Variants in GMDS observed in about 807,000 individuals in gnomAD.
GMDS encodes GDP-mannose 4,6-dehydratase.
Under a neutral mutation model 49.9 loss-of-function variants are expected in GMDS, and 20 were observed. That is an observed-to-expected ratio of 0.40 (90% CI 0.28 to 0.58). The LOEUF is 0.58. Ranked by LOEUF, GMDS falls within the 20% of genes least tolerant of loss-of-function variation. The pLI is 0.42. For synonymous variants in GMDS, 177 were observed against 178.6 expected (o/e 0.99, Z 0.07); for missense variants, 362 against 481.4 (o/e 0.75, Z 2.32).
Position 1,635,377 on chromosome 6 carries a change from G to A in GMDS, c.988-10837C>T, listed in dbSNP as rs1363154373. 3.3e-5 allele frequency among the ~76,000 whole-genome samples: 5 copies of A among 152,216 alleles called. No individual in the cohort carries two copies. Among genetic ancestry groups the A allele is most frequent in the East Asian group, 3.9e-4 (2 of 5,190 alleles). ...GGTTAAGGCAAGCTGTGTCCACTGC[G>A]CAACCAACATGGCCCACTTTCATCC... On this transcript the variant is annotated intron_variant, in intron 9 of 10. Transcript: ENST00000380815. The surrounding 1 kb of genome is among the most constrained non-coding windows in gnomAD (Gnocchi z 4.7).
intron 9 of GMDS, among the ~76,000 whole-genome samples, chr6:1,674,305 C>T (rs1280403945): frequency 6.6e-6 from 1 of 152,068 alleles, no homozygotes; most frequent in African/African-American, 2.4e-5. Context: ...TGCTTACTTG[C>T]CATCTGTATA....
intron 1 of GMDS, among the ~76,000 whole-genome samples, chr6:2,243,357 A>G (rs1300236001): frequency 6.6e-6 from 1 of 152,218 alleles, no homozygotes; most frequent in Non-Finnish European, 1.5e-5. Flanking sequence ...TTCCATTTCT[A>G]ATCTGCACTG....
rs1426433649 is a variant in GMDS, at chr6:1,766,948, T to G, written c.772-24362A>C. 6.6e-6 allele frequency among the ~76,000 whole-genome samples: 1 copy of G among 152,176 alleles called. No homozygotes were observed. The highest frequency in any genetic ancestry group is 1.5e-5 in the Non-Finnish European group (1 of 68,034). ...TCTTTATTTCCTGCTGAATCTGACTTAAGTGTAAAATCGAGCAGGGATCCC... is the reference window on the plus strand; with the variant it reads ...TCTTTATTTCCTGCTGAATCTGACTGAAGTGTAAAATCGAGCAGGGATCCC... On this transcript the variant is annotated intron_variant, in intron 7 of 10. Transcript: ENST00000380815. This position sits in a 1 kb window ranked among gnomAD's most constrained non-coding sequence, Gnocchi z 4.5.
At chr6:2,130,807 A>G (rs1775694166) in intron 1 of GMDS, among the ~76,000 whole-genome samples, 1 of 140,778 alleles carries the variant, frequency 7.1e-6, no homozygotes, top group Admixed American at 7.3e-5. Flanking sequence ...AAATGCCCTA[A>G]AAGATTAATT....
At chr6:2,170,002 A>G (rs1223832806) in intron 1 of GMDS, among the ~76,000 whole-genome samples, 1 of 152,182 alleles carries the variant, frequency 6.6e-6, no homozygotes, top group Non-Finnish European at 1.5e-5. Flanking sequence ...TCGGGAGTTC[A>G]CGACCAGCCT....
intron 4 of GMDS, among the ~76,000 whole-genome samples, chr6:2,028,882 T>C (rs547294301): frequency 8.3e-4 from 127 of 152,262 alleles, no homozygotes; most frequent in Middle Eastern, 6.8e-3. Context: ...ACTGGTGTGA[T>C]GATTGTATGC....
chr6:1,791,595 A>G (rs918249676), intron 7 of GMDS, among the ~76,000 whole-genome samples: 1 of 152,192 alleles, frequency 6.6e-6, no homozygotes, highest in Non-Finnish European at 1.5e-5. Flanking sequence ...GGGAGACACA[A>G]TTCAGTCCAC....
intron 4 of GMDS, among the ~76,000 whole-genome samples, chr6:2,113,486 G>A (rs2127497492): frequency 6.6e-6 from 1 of 151,720 alleles, no homozygotes; most frequent in South Asian, 2.1e-4. Flanking sequence ...GTTCTGCTCA[G>A]CTCATCTCGA....
chr6:1,903,539 C>T (rs1760606419), intron 7 of GMDS, among the ~76,000 whole-genome samples: 1 of 152,230 alleles, frequency 6.6e-6, no homozygotes, highest in South Asian at 2.1e-4. Context: ...AAACAATTTA[C>T]AGGTTCAGCA....
At chr6:1,853,875 G>A (rs1757825790) in intron 7 of GMDS, among the ~76,000 whole-genome samples, 1 of 152,160 alleles carries the variant, frequency 6.6e-6, no homozygotes, top group Admixed American at 6.5e-5. Flanking sequence ...ATAAATGCAA[G>A]GTGTATTTTT....
At position 1,978,272 on chromosome 6, in the gene GMDS, G is replaced by A. The variant is rs139461821; in HGVS notation, c.346-17306C>T. On this transcript the variant is annotated intron_variant, in intron 4 of 10. Transcript: ENST00000380815. ...GGACATCAATCCATTCCTCCTCACT[G>A]GACGGGACCTACCTGGTGGGCCCAC... 3.8e-3 allele frequency among the ~76,000 whole-genome samples: 582 copies of A among 152,270 alleles called. 2 individuals carry two copies. The highest frequency in any genetic ancestry group is 0.01 in the Middle Eastern group (3 of 294).
At chr6:2,154,667 C>A (rs9501814) in intron 1 of GMDS, among the ~76,000 whole-genome samples, 2 of 151,840 alleles carry the variant, frequency 1.3e-5, no homozygotes, top group Non-Finnish European at 2.9e-5. Flanking sequence ...TTGACTAATT[C>A]TAGGGTTTAT....
intron 7 of GMDS, among the ~76,000 whole-genome samples, chr6:1,901,487 A>G (rs1760503002): frequency 1.3e-5 from 2 of 152,242 alleles, no homozygotes; most frequent in South Asian, 4.1e-4. Context: ...CAGGCCACCT[A>G]TTTTAAGGAA....
intron 6 of GMDS, among the ~76,000 whole-genome samples, chr6:1,948,107 T>C: frequency 6.6e-6 from 1 of 152,180 alleles, no homozygotes; most frequent in East Asian, 1.9e-4. Context: ...GATTACCCCA[T>C]TTTAGAGATG....
intron 4 of GMDS, among the ~76,000 whole-genome samples, chr6:1,981,694 C>T (rs1765228094): frequency 6.6e-6 from 1 of 152,084 alleles, no homozygotes; most frequent in African/African-American, 2.4e-5. Flanking sequence ...ATGCTGACAC[C>T]AAAACCTAGC....
At chr6:1,979,949 C>T (rs1395632105) in intron 4 of GMDS, among the ~76,000 whole-genome samples, 1 of 152,118 alleles carries the variant, frequency 6.6e-6, no homozygotes, top group Non-Finnish European at 1.5e-5. Flanking sequence ...CCAAACTAAG[C>T]TTCATAAGTG....
At chr6:2,044,693 C>A (rs192393814) in intron 4 of GMDS, among the ~76,000 whole-genome samples, 1 of 151,990 alleles carries the variant, frequency 6.6e-6, no homozygotes, top group Non-Finnish European at 1.5e-5. Context: ...CAAACCTGCA[C>A]GTGTACCCCT....
At chr6:1,715,458 G>C (rs915630030) in intron 9 of GMDS, among the ~76,000 whole-genome samples, 2 of 152,100 alleles carry the variant, frequency 1.3e-5, no homozygotes, top group African/African-American at 4.8e-5. Context: ...AAGGCCCTCC[G>C]ATGTCATTCT....
At chr6:2,066,784 A>G (rs1771624075) in intron 4 of GMDS, among the ~76,000 whole-genome samples, 1 of 152,046 alleles carries the variant, frequency 6.6e-6, no homozygotes, top group Non-Finnish European at 1.5e-5. Context: ...GTGAACTACA[A>G]AGAGACTTAG....
Sources: allele counts gnomAD v4.1 joint callset (sites outside exome capture counted in the v4.1 genomes callset), GRCh38; gene constraint gnomAD v4.1.1; non-coding constraint Gnocchi (gnomAD v3.1); transcripts MANE v1.5; gene names NCBI Gene and HGNC (gene_info 2026-07-23, HGNC 2026-07-21).